Variants in PAX5 observed in about 807,000 individuals in gnomAD.
The protein encoded by PAX5 is paired box 5.
In PAX5, 9 loss-of-function variants were observed where a neutral mutation model predicts 43.7. The ratio of observed to expected loss-of-function variants is 0.21; its 90% CI spans 0.12 to 0.36. The LOEUF is 0.36. PAX5 is among the 10% of genes least tolerant of loss of function. The probability of loss-of-function intolerance (pLI) is 1.00; values close to 1 mark genes in which losing one functional copy is unlikely to be tolerated. For synonymous variants in PAX5, 228 were observed against 214.3 expected, an observed-to-expected ratio of 1.06 and a Z score of -0.56; for missense variants, 383 against 532.7, an observed-to-expected ratio of 0.72 and a Z score of 2.77.
intron 1 of PAX5, among the ~76,000 whole-genome samples, chr9:37,024,168 C>T (rs1359324317): frequency 1.3e-5 from 2 of 152,162 alleles, no homozygotes; most frequent in Non-Finnish European, 2.9e-5. Context: ...TCAGGTAGGA[C>T]CCTGGCTATG....
Position 36,952,104 on chromosome 9 carries a change from G to T in PAX5, c.780+14445C>A, listed in dbSNP as rs150640793. On this transcript the variant is annotated intron_variant, in intron 6 of 9. Coordinates refer to ENST00000358127, the MANE Select transcript of PAX5 (RefSeq NM_016734.3). Reference sequence around the variant, plus strand: ...ATTGGACAAACCTATTTAGATTATTGTTCATTTATCTATGTATTTGGTTAC... The same window carrying T: ...ATTGGACAAACCTATTTAGATTATTTTTCATTTATCTATGTATTTGGTTAC... 7.5e-3 allele frequency among the ~76,000 whole-genome samples: 1,133 copies of T among 151,552 alleles called. 14 individuals carry two copies. Among genetic ancestry groups the T allele is most frequent in the African/African-American group, 0.026 (1,087 of 41,294 alleles).
intron 1 of PAX5, among the ~76,000 whole-genome samples, chr9:37,030,040 C>T (rs558299683): frequency 2.8e-4 from 43 of 152,326 alleles, no homozygotes; most frequent in African/African-American, 9.6e-4. Flanking sequence ...CTTCGGATAC[C>T]CGTGAGGCTT....
chr9:36,894,288 C>G (rs1317169345), intron 7 of PAX5, among the ~76,000 whole-genome samples: 3 of 152,196 alleles, frequency 2.0e-5, no homozygotes, highest in African/African-American at 7.2e-5. Flanking sequence ...TGGGTAGGAG[C>G]TGCTAATTCA....
At chr9:36,881,511 C>G (rs1317981782) in intron 8 of PAX5, among the ~76,000 whole-genome samples, 1 of 152,020 alleles carries the variant, frequency 6.6e-6, no homozygotes, top group East Asian at 1.9e-4. Context: ...ACAGGGTGTT[C>G]AGTTTAGAAT....
At chr9:36,964,293 A>G (rs1362886240) in intron 6 of PAX5, among the ~76,000 whole-genome samples, 1 of 151,258 alleles carries the variant, frequency 6.6e-6, no homozygotes, top group Non-Finnish European at 1.5e-5. Context: ...AAAAAGAAAA[A>G]AGATAAACCT....
At chr9:36,978,474 G>A (rs2132262425) in intron 5 of PAX5, among the ~76,000 whole-genome samples, 1 of 151,728 alleles carries the variant, frequency 6.6e-6, no homozygotes, top group Non-Finnish European at 1.5e-5. Flanking sequence ...CATGCACACA[G>A]CAGTCTCTCT....
At chr9:36,894,154 C>A (rs11999298) in intron 7 of PAX5, among the ~76,000 whole-genome samples, 1 of 152,106 alleles carries the variant, frequency 6.6e-6, no homozygotes, top group Non-Finnish European at 1.5e-5. Context: ...AATCCAAAGA[C>A]GCCTCATGTT....
chr9:36,986,651 C>T (rs111840371), intron 5 of PAX5, among the ~76,000 whole-genome samples: 14,058 of 152,134 alleles, frequency 0.092, 788 homozygotes, highest in African/African-American at 0.16. Context: ...TCCGTCGGAG[C>T]CCGAGCCCCG....
rs74898517 is a variant in PAX5, at chr9:36,865,149, C to G, written c.1012+16855G>C. ...TCCCCACTCCTAAATACAGAGCCCCCTATTTGGAAACACAGGCCAGGCACC... is the reference window on the plus strand; with the variant it reads ...TCCCCACTCCTAAATACAGAGCCCCGTATTTGGAAACACAGGCCAGGCACC... On this transcript the variant is annotated intron_variant, in intron 8 of 9. Transcript: ENST00000358127. 3.8e-3 allele frequency among the ~76,000 whole-genome samples: 575 copies of G among 152,322 alleles called. 2 individuals carry two copies. The highest frequency in any genetic ancestry group is 0.013 in the African/African-American group (549 of 41,568).
At chr9:36,914,729 A>G (rs1346871817) in intron 7 of PAX5, among the ~76,000 whole-genome samples, 1 of 152,106 alleles carries the variant, frequency 6.6e-6, no homozygotes, top group African/African-American at 2.4e-5. Flanking sequence ...GGAGAACTCG[A>G]CTGCAATGCA....
At chr9:36,952,455 T>C (rs1191062596) in intron 6 of PAX5, among the ~76,000 whole-genome samples, 1 of 152,012 alleles carries the variant, frequency 6.6e-6, no homozygotes, top group Non-Finnish European at 1.5e-5. Flanking sequence ...CAATGGTATG[T>C]TTAGACCATT....
chr9:36,919,868 GA>G (rs1563967022), intron 7 of PAX5, among the ~76,000 whole-genome samples: 1 of 93,696 alleles, frequency 1.1e-5, no homozygotes, highest in Non-Finnish European at 2.2e-5. Flanking sequence ...AAAAAAAAAA[GA>G]ATATACGTGA....
At chr9:36,914,687 C>T (rs1829586643) in intron 7 of PAX5, among the ~76,000 whole-genome samples, 1 of 152,176 alleles carries the variant, frequency 6.6e-6, no homozygotes, top group African/African-American at 2.4e-5. Flanking sequence ...TGAATATATG[C>T]TATCCCAAGG....
In PAX5 at chr9:36,835,244, T is replaced by C. The variant is rs1821558905; in HGVS notation, c.*5316A>G. The C allele has an allele frequency of 4.3e-6, 1 of 233,132 alleles. No individual in the cohort carries two copies. The highest frequency in any genetic ancestry group is 1.3e-3 in the Middle Eastern group (1 of 784). The allele number at this position is 233,132 out of a possible 1,614,324, so 14.4% of individuals were successfully genotyped here. The stretch of plus-strand genomic sequence containing the variant: ...GACCCCTTGGATTGAAACTCTAGAA[T>C]GGCAGTGACATGATTCTGAGGTTCC... On this transcript the variant is annotated 3_prime_UTR_variant, in exon 10 of 10. Transcript: ENST00000358127.
At chr9:36,868,365 G>A (rs1321655929) in intron 8 of PAX5, among the ~76,000 whole-genome samples, 3 of 152,200 alleles carry the variant, frequency 2.0e-5, no homozygotes, top group Non-Finnish European at 4.4e-5. Context: ...GAGGAATTCC[G>A]GGCAGCCCTG....
chr9:37,016,997 T>TA (rs1213942104), intron 2 of PAX5, among the ~76,000 whole-genome samples: 2 of 152,360 alleles, frequency 1.3e-5, no homozygotes, highest in South Asian at 4.1e-4. Flanking sequence ...TCCCTCTTTC[T>TA]AAAAAATTGC....
chr9:36,882,185 T>C lies in PAX5; in HGVS notation c.911-80A>G, dbSNP rs1826491172. 3 of 1,182,982 alleles carry C rather than the reference T, an allele frequency of 2.5e-6. No homozygotes were observed. The highest frequency in any genetic ancestry group is 1.5e-5 in the African/African-American group (1 of 65,520). 73.3% of individuals were successfully genotyped at this position (1,182,982 alleles called of 1,614,324 possible). A position where few individuals can be genotyped will look rare whatever the true frequency, so the allele number is the denominator to read the frequency against. ...ATGTCCACAGCTCCCTGGACGCTTC[T>C]GCACATTTGTCACGTTTGGACGCTG... On this transcript the variant is annotated intron_variant, in intron 7 of 9. Transcript: ENST00000358127. The surrounding 1 kb of genome is among the most constrained non-coding windows in gnomAD (Gnocchi z 4.4).
chr9:36,982,738 A>G (rs1836049259), intron 5 of PAX5, among the ~76,000 whole-genome samples: 1 of 152,218 alleles, frequency 6.6e-6, no homozygotes, highest in Non-Finnish European at 1.5e-5. Context: ...GGGGTCACGT[A>G]GCTTTCACAC....
At chr9:36,981,070 T>A (rs1007100102) in intron 5 of PAX5, among the ~76,000 whole-genome samples, 3 of 151,954 alleles carry the variant, frequency 2.0e-5, no homozygotes, top group Admixed American at 6.6e-5. Context: ...CACTTGCTGT[T>A]CCCTCTCTCC....
Sources: allele counts gnomAD v4.1 joint callset (sites outside exome capture counted in the v4.1 genomes callset), GRCh38; gene constraint gnomAD v4.1.1; non-coding constraint Gnocchi (gnomAD v3.1); transcripts MANE v1.5; gene names NCBI Gene and HGNC (gene_info 2026-07-23, HGNC 2026-07-21).